Variants in ATP7A observed in about 807,000 individuals in gnomAD.
The protein encoded by ATP7A is ATPase copper transporting alpha.
A neutral mutation model predicts 83.5 loss-of-function variants in ATP7A; 7 were observed. That is an observed-to-expected ratio of 0.08 (90% CI 0.05 to 0.16). The LOEUF (loss-of-function observed/expected upper bound fraction) is 0.16, where lower values mean the gene tolerates loss of function less well. Ranked by LOEUF, ATP7A falls within the 10% of genes least tolerant of loss-of-function variation. The pLI is 1.00. For missense variants in ATP7A, 940 were observed against 1,120.8 expected (o/e 0.84, Z 2.30); for synonymous variants, 354 against 395.2 (o/e 0.90, Z 1.24).
intron 1 of ATP7A, chrX:77,966,904 C>T: frequency 3.2e-6 from 1 of 308,085 alleles, no homozygotes; most frequent in South Asian, 2.9e-5. Flanking sequence ...CCTCCCCTCA[C>T]CCCTCACCCC....
chrX:77,913,322 T>A (rs1439070045), intron 1 of ATP7A, among the ~76,000 whole-genome samples: 1 of 111,533 alleles, frequency 9.0e-6, no homozygotes, highest in African/African-American at 3.3e-5. Context: ...CTTCTATTCA[T>A]CTTTGTTAAA....
chrX:77,989,447 T>A lies in ATP7A; in HGVS notation c.825T>A (p.Asn275Lys), dbSNP rs2077656948. ...GSQQRSPSYTNDSTATFIIDG... is the reference protein window; with the variant it reads ...GSQQRSPSYTKDSTATFIIDG... ...AGCAAAGGAGTCCATCATATACCAA[T>A]GATTCAACAGCCACTTTCATCATTG... Residue 275 changes from asparagine (N) to lysine (K), a missense_variant, in exon 4 of 23, where the codon AAT (asparagine) becomes AAA (lysine). Around this residue, in one of 3 missense-constraint regions of ATP7A, gnomAD observed 350 missense variants for 432.8 expected, o/e 0.81. Transcript: ENST00000341514. 8.3e-7 allele frequency: 1 copy of A among 1,211,865 alleles called. No homozygotes were observed. The highest frequency in any genetic ancestry group is 1.7e-5 in the African/African-American group (1 of 57,875).
At chrX:77,958,250 C>A (rs2077456002) in intron 1 of ATP7A, among the ~76,000 whole-genome samples, 1 of 111,157 alleles carries the variant, frequency 9.0e-6, no homozygotes, top group African/African-American at 3.3e-5. Context: ...TCACAAGAAG[C>A]AAATGCCAGC....
chrX:77,980,648 A>C (rs2077599489), intron 2 of ATP7A, among the ~76,000 whole-genome samples: 1 of 110,592 alleles, frequency 9.0e-6, no homozygotes, highest in Non-Finnish European at 1.9e-5. Context: ...CCTTCCAGAA[A>C]GACTATTAAT....
chrX:77,977,954 CAGAG>C (rs782243347), intron 2 of ATP7A, among the ~76,000 whole-genome samples: 22 of 111,434 alleles, frequency 2.0e-4, no homozygotes, highest in Non-Finnish European at 3.8e-4. Context: ...GTTCTGGGGC[CAGAG>C]AGAGATTTTC....
At chrX:77,968,947 T>C in intron 1 of ATP7A, 1 of 1,210,552 alleles carries the variant, frequency 8.3e-7, no homozygotes, top group East Asian at 3.0e-5. Flanking sequence ...CCCCAGAAAC[T>C]GCATGGGCTT....
In ATP7A at chrX:78,011,572, A is replaced by C; in HGVS notation, c.2070A>C (p.Glu690Asp). ...ACCATAATCAAAACATGAGTAAAGA[A>C]GAAATGATCAACCTTCATTCTTCTA... ...TLHHNQNMSK[E>D]EMINLHSSMF... The change falls in exon 9 of 23, where the codon GAA (glutamate) becomes GAC (aspartate). Residue 690 changes from glutamate to aspartate, a missense_variant. Physicochemically the swap from Glu to Asp is conservative, Grantham distance 45. This residue lies in a region of ATP7A where 204 missense variants were observed against 185.8 expected (regional missense o/e 1.10). Transcript: ENST00000341514. 8.3e-7 allele frequency: 1 copy of C among 1,211,665 alleles called. No homozygotes were observed. The highest frequency in any genetic ancestry group is 1.1e-6 in the Non-Finnish European group (1 of 895,398).
At chrX:77,958,300 T>C (rs2149065027) in intron 1 of ATP7A, among the ~76,000 whole-genome samples, 1 of 111,344 alleles carries the variant, frequency 9.0e-6, no homozygotes, top group South Asian at 3.8e-4. Context: ...TGAGCCCAAA[T>C]AAATTCTCTT....
intron 9 of ATP7A, 142 bp from the exon 10 acceptor site, chrX:78,012,737 T>A: frequency 5.7e-6 from 3 of 525,437 alleles, no homozygotes; most frequent in South Asian, 5.4e-5. Flanking sequence ...ACAAACACGA[T>A]TGTTTTGGCT....
chrX:77,992,107 C>G (rs1465283785), intron 4 of ATP7A, among the ~76,000 whole-genome samples: 1 of 107,975 alleles, frequency 9.3e-6, no homozygotes, highest in Admixed American at 9.9e-5. Flanking sequence ...TTCTGTCACC[C>G]AGGCTAGAGT....
chrX:77,921,622 G>T (rs1192901659), intron 1 of ATP7A, among the ~76,000 whole-genome samples: 1 of 112,220 alleles, frequency 8.9e-6, no homozygotes, highest in African/African-American at 3.2e-5. Context: ...TATTAGCTAG[G>T]CCAGGTGCAG....
chrX:77,932,948 G>T (rs2077297983), intron 1 of ATP7A, among the ~76,000 whole-genome samples: 2 of 109,406 alleles, frequency 1.8e-5, no homozygotes, highest in African/African-American at 6.8e-5. Flanking sequence ...GGGAGAGGGA[G>T]AGAGCAGGAA....
intron 14 of ATP7A, among the ~76,000 whole-genome samples, chrX:78,028,214 G>A (rs1557236584): frequency 9.5e-6 from 1 of 104,747 alleles, no homozygotes; most frequent in East Asian, 3.0e-4. Context: ...TTGAGACCGA[G>A]TTTCGCTCTT....
intron 1 of ATP7A, among the ~76,000 whole-genome samples, chrX:77,945,997 T>C (rs185935963): frequency 7.6e-4 from 84 of 111,245 alleles, no homozygotes; most frequent in African/African-American, 1.5e-3. Context: ...CACAGACATA[T>C]TTGTCAAAAA....
chrX:78,005,917 G>T (rs2077772195), intron 6 of ATP7A, among the ~76,000 whole-genome samples: 1 of 110,159 alleles, frequency 9.1e-6, no homozygotes, highest in African/African-American at 3.3e-5. Context: ...CATATACGAA[G>T]AACTTTTATA....
chrX:77,932,260 C>T (rs1557224538), intron 1 of ATP7A, among the ~76,000 whole-genome samples: 1 of 108,632 alleles, frequency 9.2e-6, no homozygotes. Flanking sequence ...TCCTCACATC[C>T]CAGACGGGGC....
intron 1 of ATP7A, among the ~76,000 whole-genome samples, chrX:77,950,180 G>A (rs1224671948): frequency 8.9e-6 from 1 of 111,947 alleles, no homozygotes; most frequent in Non-Finnish European, 1.9e-5. Flanking sequence ...TCAAAATCCT[G>A]GGCAGAAGTG....
At chrX:77,959,938 A>G (rs1382702994) in intron 1 of ATP7A, among the ~76,000 whole-genome samples, 1 of 112,220 alleles carries the variant, frequency 8.9e-6, no homozygotes, top group East Asian at 2.8e-4. Context: ...TTATACTCTA[A>G]CCAACGGAAC....
chrX:78,016,315 C>T (rs782194683), intron 12 of ATP7A, among the ~76,000 whole-genome samples: 4 of 110,683 alleles, frequency 3.6e-5, no homozygotes, highest in African/African-American at 9.9e-5. Context: ...TAGGGGAAAC[C>T]GCCCCCATGA....
Sources: allele counts gnomAD v4.1 joint callset (sites outside exome capture counted in the v4.1 genomes callset), GRCh38; gene constraint gnomAD v4.1.1; regional missense constraint gnomAD v4.1.1; transcripts MANE v1.5; gene names NCBI Gene and HGNC (gene_info 2026-07-23, HGNC 2026-07-21).